BNC2: variants seen among roughly 807,000 people sequenced by gnomAD.
The protein encoded by BNC2 is zinc finger protein basonuclin-2.
BNC2 carries 20 observed loss-of-function variants against 76.3 expected under a neutral mutation model. That is an observed-to-expected ratio of 0.26 (90% CI 0.18 to 0.38). BNC2 has a LOEUF of 0.38. Among genes scored for constraint, BNC2 ranks in the 10% least tolerant of loss-of-function variants. The pLI, the probability that BNC2 is intolerant of heterozygous loss-of-function variation, is 1.00. For missense variants in BNC2, 1,382 were observed against 1,399.8 expected (o/e 0.99, Z 0.20); for synonymous variants, 582 against 514.8 (o/e 1.13, Z -1.77).
chr9:16,795,233 G>C (rs1817613071), intron 1 of BNC2, among the ~76,000 whole-genome samples: 1 of 152,034 alleles, frequency 6.6e-6, no homozygotes, highest in Admixed American at 6.6e-5. Context: ...AAAAGAATAA[G>C]CAAAGGAAGT....
rs540465942 is a variant in BNC2 at position 16,732,749 on chromosome 9, T to C, written c.130-4752A>G. ...TTCATGTGACACACGCTGGTATTCA[T>C]CTAATGGCTTGTCAAGACAAAACTG... On this transcript the variant is annotated intron_variant, in intron 2 of 6. Transcript: ENST00000380672. Among the ~76,000 whole-genome samples the C allele has an allele frequency of 3.1e-4, 47 of 152,300 alleles. No individual in the cohort carries two copies. In the South Asian group the frequency reaches 3.1e-3, roughly 10 times the overall value.
Position 16,469,992 on chromosome 9 carries a change from CT to C in BNC2, c.670-32469del, listed in dbSNP as rs201134930. Among the ~76,000 whole-genome samples, 1,710 of 114,738 alleles carry C rather than the reference CT, an allele frequency of 0.015. 30 individuals carry two copies. The East Asian group carries it at 0.16, about 11-fold the overall frequency. 75.3% of individuals were successfully genotyped at this position (114,738 alleles called of 152,430 possible). ...ACACTTGCATGCTGCTAATGGCATT[CT>C]TTTTTTTTTTTTTTTTTTTTTTGAG... On this transcript the variant is annotated intron_variant, in intron 5 of 6. Transcript: ENST00000380672.
At chr9:16,801,961 G>C (rs541103125) in intron 1 of BNC2, among the ~76,000 whole-genome samples, 8 of 151,678 alleles carry the variant, frequency 5.3e-5, no homozygotes, top group Non-Finnish European at 7.4e-5. Flanking sequence ...TCATCAACTA[G>C]TATACAGGAG....
chr9:16,819,464 A>G (rs1218067465), intron 1 of BNC2, among the ~76,000 whole-genome samples: 1 of 152,132 alleles, frequency 6.6e-6, no homozygotes, highest in Non-Finnish European at 1.5e-5. Context: ...GGAGTTCGAG[A>G]CCAGCCTGGC....
At chr9:16,698,412 C>A (rs988796160) in intron 3 of BNC2, among the ~76,000 whole-genome samples, 2 of 152,090 alleles carry the variant, frequency 1.3e-5, no homozygotes, top group African/African-American at 4.8e-5. Flanking sequence ...TGATGAGGGC[C>A]GGGCGCGGTG....
chr9:16,566,986 G>C (rs1819188518), intron 4 of BNC2, among the ~76,000 whole-genome samples: 2 of 152,204 alleles, frequency 1.3e-5, no homozygotes, highest in Non-Finnish European at 2.9e-5. Flanking sequence ...AACTGTGAAT[G>C]AGGTTACTGA....
At chr9:16,821,125 C>T (rs562769712) in intron 1 of BNC2, among the ~76,000 whole-genome samples, 6 of 151,494 alleles carry the variant, frequency 4.0e-5, no homozygotes, top group Admixed American at 3.3e-4. Context: ...CCCAGCTACT[C>T]GGGAGGCTGA....
chr9:16,725,215 TCTCA>T (rs1554717015), intron 3 of BNC2, among the ~76,000 whole-genome samples: 3 of 59,586 alleles, frequency 5.0e-5, no homozygotes, highest in East Asian at 4.3e-4. Flanking sequence ...AGTCTCTCTC[TCTCA>T]CACACACACA....
chr9:16,588,012 G>A (rs538407174), intron 3 of BNC2, among the ~76,000 whole-genome samples: 13 of 152,272 alleles, frequency 8.5e-5, no homozygotes, highest in African/African-American at 2.4e-4. Flanking sequence ...ATGAGGGCAG[G>A]ATAGACATGT....
chr9:16,514,083 G>T (rs562976185), intron 5 of BNC2, among the ~76,000 whole-genome samples: 30 of 152,244 alleles, frequency 2.0e-4, no homozygotes, highest in African/African-American at 7.0e-4. Context: ...GGATGTCACA[G>T]TTTTCCAGTG....
intron 3 of BNC2, among the ~76,000 whole-genome samples, chr9:16,666,854 C>G (rs1822306833): frequency 6.6e-6 from 1 of 152,100 alleles, no homozygotes; most frequent in Non-Finnish European, 1.5e-5. Flanking sequence ...ATGTAGTTAG[C>G]ATTATTCAAC....
chr9:16,859,994 T>A (rs964117149), intron 1 of BNC2, among the ~76,000 whole-genome samples: 1 of 152,064 alleles, frequency 6.6e-6, no homozygotes, highest in African/African-American at 2.4e-5. Context: ...TGGTGCCATG[T>A]GCCTGTAATC....
intron 3 of BNC2, chr9:16,705,198 C>T (rs986885792): frequency 7.3e-6 from 1 of 136,858 alleles, no homozygotes; most frequent in African/African-American, 2.7e-5. Flanking sequence ...TGCACTGTGG[C>T]AATAAAACAT....
chr9:16,454,884 C>A lies in BNC2; in HGVS notation c.670-17360G>T, dbSNP rs373411208. Among the ~76,000 whole-genome samples the A allele has an allele frequency of 7.2e-5, 11 of 152,128 alleles. No individual in the cohort carries two copies. In the South Asian group the frequency reaches 2.3e-3, roughly 32 times the overall value. On this transcript the variant is annotated intron_variant, in intron 5 of 6. Coordinates refer to ENST00000380672, the MANE Select transcript of BNC2 (RefSeq NM_017637.6). The stretch of plus-strand genomic sequence containing the variant: ...TCATCTTTCTGAAAATATTTTAAGA[C>A]CTTGGTTGAGCCTATGATTCTTAGT...
chr9:16,742,718 A>T (rs988240280), intron 1 of BNC2, among the ~76,000 whole-genome samples: 1 of 152,148 alleles, frequency 6.6e-6, no homozygotes, highest in Non-Finnish European at 1.5e-5. Context: ...AACCAATACT[A>T]AATACTTTAT....
chr9:16,606,724 A>C (rs1035963150), intron 3 of BNC2, among the ~76,000 whole-genome samples: 10 of 152,114 alleles, frequency 6.6e-5, no homozygotes, highest in African/African-American at 1.9e-4. Context: ...TGCCCAGCTA[A>C]CTTTTGTATT....
chr9:16,783,849 A>C (rs950460561), intron 1 of BNC2, among the ~76,000 whole-genome samples: 2 of 152,238 alleles, frequency 1.3e-5, no homozygotes, highest in African/African-American at 4.8e-5. Context: ...TGACAACCCA[A>C]TTAGCCAAAA....
intron 3 of BNC2, among the ~76,000 whole-genome samples, chr9:16,638,168 G>A (rs920841213): frequency 2.6e-5 from 4 of 152,090 alleles, no homozygotes; most frequent in Non-Finnish European, 4.4e-5. Context: ...CCACTGCCTC[G>A]TGGTTTCTGG....
At chr9:16,586,831 G>C (rs1313932337) in intron 3 of BNC2, among the ~76,000 whole-genome samples, 1 of 152,142 alleles carries the variant, frequency 6.6e-6, no homozygotes, top group Non-Finnish European at 1.5e-5. Context: ...TGAGTTTAGA[G>C]GAGAGACCCT....
Sources: gnomAD v4.1 joint callset for allele counts (sites outside exome capture counted in the v4.1 genomes callset) on GRCh38, gnomAD v4.1.1 for gene constraint, MANE v1.5 for transcripts, NCBI Gene and HGNC (gene_info 2026-07-23, HGNC 2026-07-21) for gene names.